INSC: variants seen among roughly 807,000 people sequenced by gnomAD.
INSC encodes the protein protein inscuteable homolog.
Under a neutral mutation model 58.6 loss-of-function variants are expected in INSC, and 67 were observed. That is an observed-to-expected ratio of 1.14 (90% confidence interval 0.94 to 1.40). The LOEUF is 1.40. Ranked by LOEUF, INSC falls within the 40% of genes most tolerant of loss-of-function variation. INSC has a pLI of 0.00. For missense variants in INSC, 714 were observed against 692.0 expected (o/e 1.03, Z -0.36); for synonymous variants, 262 against 276.1 (o/e 0.95, Z 0.51).
At chr11:15,173,493 G>T (rs887339275) in intron 2 of INSC, among the ~76,000 whole-genome samples, 3 of 152,112 alleles carry the variant, frequency 2.0e-5, no homozygotes, top group African/African-American at 4.8e-5. Flanking sequence ...AACCGTACAT[G>T]AGATGTGATT....
intron 9 of INSC, among the ~76,000 whole-genome samples, chr11:15,230,025 T>TATTATATATATA: frequency 1.6e-5 from 1 of 62,604 alleles, no homozygotes; most frequent in African/African-American, 6.4e-5. Context: ...TATATATATA[T>TATTATATATATA]ATATATATAT....
At chr11:15,201,881 C>A (rs1850607487) in intron 7 of INSC, among the ~76,000 whole-genome samples, 1 of 152,168 alleles carries the variant, frequency 6.6e-6, no homozygotes, top group African/African-American at 2.4e-5. Flanking sequence ...GCATCCATGT[C>A]CCACAGTCTG....
chr11:15,232,291 T>G (rs529135816), intron 9 of INSC, among the ~76,000 whole-genome samples: 472 of 152,322 alleles, frequency 3.1e-3, no homozygotes, highest in Non-Finnish European at 5.3e-3. Flanking sequence ...TAGTGTTTCT[T>G]GACACAGTCT....
rs573155641 is a variant in INSC, at chr11:15,243,014, C to T, written c.1470+2491C>T. Reference sequence around the variant, plus strand: ...CTCATGGAGGAGGATTTGTACTTTTCCCCCTCTAGCCTGGAACCTTCCCAG... The same window carrying T: ...CTCATGGAGGAGGATTTGTACTTTTTCCCCTCTAGCCTGGAACCTTCCCAG... On this transcript the variant is annotated intron_variant, in intron 12 of 12. Coordinates refer to ENST00000379556, the MANE Select transcript of INSC (RefSeq NM_001042536.3). Among the ~76,000 whole-genome samples, 261 of 152,314 alleles carry T rather than the reference C, an allele frequency of 1.7e-3. 2 individuals are homozygous for T. The highest frequency in any genetic ancestry group is 6.0e-3 in the African/African-American group (251 of 41,568).
intron 1 of INSC, among the ~76,000 whole-genome samples, chr11:15,142,296 A>G (rs1473290875): frequency 6.6e-6 from 1 of 152,192 alleles, no homozygotes. Context: ...CTACTGAGAT[A>G]GTTTCCTATA....
downstream of INSC, among the ~76,000 whole-genome samples, chr11:15,249,023 A>G (rs192307407): frequency 4.9e-4 from 74 of 152,186 alleles, 1 homozygote; most frequent in African/African-American, 1.8e-3. Context: ...GGTGGGAGCC[A>G]TAAGGACTCA....
chr11:15,210,515 G>GTGTGTC (rs1325093390), intron 7 of INSC, among the ~76,000 whole-genome samples: 2 of 149,540 alleles, frequency 1.3e-5, no homozygotes, highest in Admixed American at 1.3e-4. Context: ...TTGTGTGTGT[G>GTGTGTC]TGTGTGTGTG....
chr11:15,113,149 C>CTTTCTTTCTTTCTTTCTTTCTTCCTT (rs757233948), upstream of INSC, among the ~76,000 whole-genome samples: 2 of 131,254 alleles, frequency 1.5e-5, no homozygotes, highest in Admixed American at 8.2e-5. Context: ...TTCTTTCTGT[C>CTTTCTTTCTTTCTTTCTTTCTTCCTT]TCTCTCTCTC....
intron 2 of INSC, among the ~76,000 whole-genome samples, chr11:15,165,747 G>C (rs1564879543): frequency 6.6e-6 from 1 of 152,202 alleles, no homozygotes; most frequent in African/African-American, 2.4e-5. Flanking sequence ...AGGAATGGCA[G>C]CCATGCTGGG....
At chr11:15,149,082 G>T in intron 1 of INSC, 48 bp from the exon 2 acceptor site, 1 of 1,504,118 alleles carries the variant, frequency 6.6e-7, no homozygotes, top group Non-Finnish European at 8.9e-7. Context: ...AAGTGATTGT[G>T]CCTCCTCTTT....
intron 2 of INSC, among the ~76,000 whole-genome samples, chr11:15,166,200 G>T (rs1042777789): frequency 1.3e-5 from 2 of 152,168 alleles, no homozygotes; most frequent in Admixed American, 6.5e-5. Flanking sequence ...TCAAGGGCTT[G>T]AGAATATATA....
At chr11:15,166,158 G>T (rs1540160) in intron 2 of INSC, among the ~76,000 whole-genome samples, 64,342 of 151,834 alleles carry the variant, frequency 0.42, 14,603 homozygotes, top group East Asian at 0.86. Context: ...ATTCTATGTT[G>T]GTTCCTGGTG....
At chr11:15,169,811 T>A (rs1019429531) in intron 2 of INSC, among the ~76,000 whole-genome samples, 1 of 152,074 alleles carries the variant, frequency 6.6e-6, no homozygotes, top group Non-Finnish European at 1.5e-5. Flanking sequence ...TAGTACAGAG[T>A]GTTCCCATAT....
intron 9 of INSC, among the ~76,000 whole-genome samples, chr11:15,232,430 A>G (rs1179441957): frequency 6.6e-6 from 1 of 152,114 alleles, no homozygotes; most frequent in Non-Finnish European, 1.5e-5. Context: ...TTATTTATTT[A>G]CTTATTTATT....
chr11:15,213,480 AT>A (rs1236898147), intron 7 of INSC, among the ~76,000 whole-genome samples: 1 of 152,174 alleles, frequency 6.6e-6, no homozygotes, highest in African/African-American at 2.4e-5. Context: ...TGAAAACTTG[AT>A]ATTTTCTTAT....
chr11:15,230,232 G>T (rs1029350754), intron 9 of INSC, among the ~76,000 whole-genome samples: 1 of 150,764 alleles, frequency 6.6e-6, no homozygotes, highest in Non-Finnish European at 1.5e-5. Context: ...TGGGTAATTT[G>T]TAAAGAAAAA....
intron 2 of INSC, among the ~76,000 whole-genome samples, chr11:15,174,170 C>T (rs1404631672): frequency 6.6e-6 from 1 of 152,054 alleles, no homozygotes; most frequent in African/African-American, 2.4e-5. Context: ...CACTTCTGCC[C>T]CCAGAGCCTT....
chr11:15,112,532 GGGAGTCCA>G (rs550019680), upstream of INSC: 306 of 1,610,538 alleles, frequency 1.9e-4, no homozygotes, highest in African/African-American at 3.5e-3. Flanking sequence ...GGGGTCTATG[GGGAGTCCA>G]GGAGTCCAGG....
chr11:15,253,049 G>A, the INSC span, among the ~76,000 whole-genome samples: 5 of 152,144 alleles, frequency 3.3e-5, no homozygotes, highest in Non-Finnish European at 7.4e-5. Flanking sequence ...GCCACCAGCT[G>A]TGGTAGAACA....
Sources: gnomAD v4.1 joint callset for allele counts (sites outside exome capture counted in the v4.1 genomes callset) on GRCh38, gnomAD v4.1.1 for gene constraint, MANE v1.5 for transcripts, NCBI Gene and HGNC (gene_info 2026-07-23, HGNC 2026-07-21) for gene names.